Variants in ZYG11B observed in about 807,000 individuals in gnomAD.
The protein encoded by ZYG11B is protein zyg-11 homolog B.
ZYG11B carries 36 observed loss-of-function variants against 82.4 expected under a neutral mutation model. The ratio of observed to expected loss-of-function variants is 0.44; its 90% confidence interval spans 0.33 to 0.58. The LOEUF (loss-of-function observed/expected upper bound fraction) is 0.58, where lower values mean the gene tolerates loss of function less well. ZYG11B is among the 20% of genes least tolerant of loss of function. ZYG11B has a pLI of 0.02. For missense variants in ZYG11B, 552 were observed against 895.6 expected (o/e 0.62, Z 4.90); for synonymous variants, 303 against 312.8 (o/e 0.97, Z 0.33).
At position 52,732,437 on chromosome 1, in the gene ZYG11B, A is replaced by T. The variant is rs543952413; in HGVS notation, c.30+5754A>T. 2.0e-5 allele frequency among the ~76,000 whole-genome samples: 3 copies of T among 152,298 alleles called. No homozygotes were observed. The East Asian group carries it at 5.8e-4, about 29-fold the overall frequency. On this transcript the variant is annotated intron_variant, in intron 1 of 13. Coordinates refer to ENST00000294353, the MANE Select transcript of ZYG11B (RefSeq NM_024646.3). Reference sequence around the variant, plus strand: ...TCTGTATCTCCCCCTATTATTAGACATATAATTTATTAGCTGACTAAAATT... The same window carrying T: ...TCTGTATCTCCCCCTATTATTAGACTTATAATTTATTAGCTGACTAAAATT...
At chr1:52,821,358 C>A (rs1179491456) in intron 13 of ZYG11B, 81 bp from the exon 14 acceptor site, 3 of 1,434,306 alleles carry the variant, frequency 2.1e-6, no homozygotes, top group South Asian at 1.5e-5. Flanking sequence ...TCCTAGAAGT[C>A]ATTTTTTTGT....
chr1:52,796,656 G>T, intron 7 of ZYG11B, 78 bp from the exon 8 acceptor site: 1 of 1,235,912 alleles, frequency 8.1e-7, no homozygotes, highest in Non-Finnish European at 1.2e-6. Context: ...CTCACCTTTG[G>T]AGTGAGGTAC....
chr1:52,743,402 TA>T (rs71044414), intron 1 of ZYG11B, among the ~76,000 whole-genome samples: 9,731 of 69,046 alleles, frequency 0.14, 1,090 homozygotes, highest in African/African-American at 0.37. Context: ...CAATAAATAC[TA>T]AAAAAAAAAA....
intron 12 of ZYG11B, among the ~76,000 whole-genome samples, chr1:52,815,120 T>C (rs568567027): frequency 6.7e-4 from 102 of 152,206 alleles, no homozygotes; most frequent in African/African-American, 2.4e-3. Context: ...ATGGCGCCAC[T>C]GCACTGCAGC....
At chr1:52,738,832 A>T (rs1447570371) in intron 1 of ZYG11B, among the ~76,000 whole-genome samples, 34 of 150,002 alleles carry the variant, frequency 2.3e-4, no homozygotes, top group Middle Eastern at 3.5e-3. Flanking sequence ...TTGGTCTCAA[A>T]CTCCCGACCT....
intron 8 of ZYG11B, among the ~76,000 whole-genome samples, chr1:52,797,335 A>G (rs1187273574): frequency 4.2e-5 from 3 of 71,356 alleles, no homozygotes; most frequent in Admixed American, 2.5e-4. Context: ...TATATTATAT[A>G]TTTATAATTA....
At chr1:52,755,606 G>T (rs925321885) in intron 1 of ZYG11B, among the ~76,000 whole-genome samples, 2 of 151,788 alleles carry the variant, frequency 1.3e-5, no homozygotes, top group South Asian at 4.2e-4. Flanking sequence ...GGTTCAAGCA[G>T]TTCTCCTGCC....
At chr1:52,763,102 G>A (rs189078153) in intron 2 of ZYG11B, among the ~76,000 whole-genome samples, 99 of 151,898 alleles carry the variant, frequency 6.5e-4, no homozygotes, top group African/African-American at 2.2e-3. Context: ...TCAGTTGATC[G>A]TAGATACGTG....
chr1:52,785,147 A>C (rs529200836), intron 5 of ZYG11B, 94 bp downstream of exon 5: 1 of 1,357,722 alleles, frequency 7.4e-7, no homozygotes, highest in African/African-American at 1.5e-5. Context: ...TGGAAATTCA[A>C]ATGCCTTTGG....
At chr1:52,803,115 TATACACACATATATATATAC>T (rs1558140082) in intron 10 of ZYG11B, among the ~76,000 whole-genome samples, 631 of 58,286 alleles carry the variant, frequency 0.011, 31 homozygotes, top group East Asian at 0.052. Context: ...TATATATATA[TATACACACATATATATATAC>T]ACACATATAT....
At chr1:52,797,468 T>TATAATAA (rs1571787888) in intron 8 of ZYG11B, among the ~76,000 whole-genome samples, 28 of 110,548 alleles carry the variant, frequency 2.5e-4, no homozygotes, top group African/African-American at 5.2e-4. Context: ...ATGATATATA[T>TATAATAA]ATTATATATG....
intron 2 of ZYG11B, among the ~76,000 whole-genome samples, chr1:52,770,650 A>G (rs1263834823): frequency 1.4e-4 from 21 of 152,210 alleles, no homozygotes; most frequent in Non-Finnish European, 2.9e-4. Flanking sequence ...AAAATCATGC[A>G]CTGGCTCTCA....
chr1:52,821,692 A>G lies in ZYG11B; in HGVS notation c.*63A>G, dbSNP rs1431965375. ...TTTTTGTGATTGGTCCATTTGGAAT[A>G]TCTTACCCTCCCTGATGTTTTGGGG... On this transcript the variant is annotated 3_prime_UTR_variant, in exon 14 of 14. Coordinates refer to ENST00000294353, the MANE Select transcript of ZYG11B (RefSeq NM_024646.3). 12 of 1,470,954 alleles carry G rather than the reference A, an allele frequency of 8.2e-6. No homozygotes were observed. The East Asian group carries it at 1.4e-4, about 17-fold the overall frequency. The allele number at this position is 1,470,954 out of a possible 1,614,324, so 91.1% of individuals were successfully genotyped here.
chr1:52,726,814 C>T (rs1244857136), intron 1 of ZYG11B, 131 bp downstream of exon 1: 40 of 845,254 alleles, frequency 4.7e-5, no homozygotes, highest in Non-Finnish European at 6.3e-5. Context: ...ACCTCTCTCC[C>T]TCGTTACCGC....
rs1558137047 is a variant in ZYG11B, at chr1:52,796,771, TC to T, written c.1473del (p.Phe492SerfsTer9). On this transcript the variant is annotated frameshift_variant, in exon 8 of 14. Transcript: ENST00000294353. LOFTEE classifies it high-confidence loss of function. ...CAAACTGCACAGCTTGGTACTGAGC[TC>T]TTCATTGTCAGGGTAAGTCTATAAT... ...TEQTAQLGTE[L>X]FIVRQLLQIV... 1 of 1,567,060 alleles carries T rather than the reference TC, an allele frequency of 6.4e-7. No individual in the cohort carries two copies. Among genetic ancestry groups the T allele is most frequent in the African/African-American group, 1.4e-5 (1 of 70,822 alleles).
chr1:52,734,325 A>G (rs943446797), intron 1 of ZYG11B, among the ~76,000 whole-genome samples: 3 of 152,118 alleles, frequency 2.0e-5, no homozygotes, highest in Non-Finnish European at 4.4e-5. Context: ...GTGAGCCTGT[A>G]GATGAATTGG....
chr1:52,796,904 A>ATATAT (rs1645012235), intron 8 of ZYG11B, 120 bp downstream of exon 8: 4 of 105,984 alleles, frequency 3.8e-5, no homozygotes, highest in African/African-American at 1.6e-4. Flanking sequence ...ATATAATTAT[A>ATATAT]TATATATTAT....
Position 52,746,687 on chromosome 1 carries a change from GTTTTTTTTTTTTTT to G in ZYG11B, c.31-9757_31-9744del, listed in dbSNP as rs11446988. Among the ~76,000 whole-genome samples the G allele has an allele frequency of 2.4e-4, 8 of 33,508 alleles. 2 individuals carry two copies. The Admixed American group carries it at 3.4e-3, about 14-fold the overall frequency. 22.0% of individuals were successfully genotyped at this position (33,508 alleles called of 152,430 possible). Reference sequence around the variant, plus strand: ...ACCAAAAAAATAAAGATCGGCCACTGTTTTTTTTTTTTTTTTTTTTTTTTTTTGCGGCTGGAATT... The same window carrying G: ...ACCAAAAAAATAAAGATCGGCCACTGTTTTTTTTTTTTTGCGGCTGGAATT... On this transcript the variant is annotated intron_variant, in intron 1 of 13. Coordinates refer to ENST00000294353, the MANE Select transcript of ZYG11B (RefSeq NM_024646.3).
chr1:52,748,723 C>T (rs1288729494), intron 1 of ZYG11B, among the ~76,000 whole-genome samples: 8 of 151,884 alleles, frequency 5.3e-5, no homozygotes, highest in Non-Finnish European at 1.5e-5. Context: ...ATTAGCTGGG[C>T]GTGGTGCACG....
Sources: allele counts gnomAD v4.1 joint callset (sites outside exome capture counted in the v4.1 genomes callset), GRCh38; gene constraint gnomAD v4.1.1; transcripts MANE v1.5; gene names NCBI Gene and HGNC (gene_info 2026-07-23, HGNC 2026-07-21).